Variants in NRG1 observed in about 807,000 individuals in gnomAD.
NRG1 encodes neuregulin 1.
NRG1 carries 18 observed loss-of-function variants against 63.8 expected under a neutral mutation model. The ratio of observed to expected loss-of-function variants is 0.28; its 90% CI spans 0.19 to 0.42. NRG1 has a LOEUF of 0.42. Ranked by LOEUF, NRG1 falls within the 10% of genes least tolerant of loss-of-function variation. The pLI, the probability that NRG1 is intolerant of heterozygous loss-of-function variation, is 1.00. For missense variants in NRG1, 762 were observed against 814.7 expected (o/e 0.94, Z 0.79); for synonymous variants, 302 against 301.3 (o/e 1.00, Z -0.02).
At chr8:31,662,562 G>A (rs1208929080) in intron 1 of NRG1, among the ~76,000 whole-genome samples, 2 of 152,188 alleles carry the variant, frequency 1.3e-5, no homozygotes, top group Non-Finnish European at 2.9e-5. Context: ...GTCTGCAAAT[G>A]TCTGAGTATC....
intron 1 of NRG1, among the ~76,000 whole-genome samples, chr8:31,677,234 CT>C (rs1807801820): frequency 6.6e-6 from 1 of 151,988 alleles, no homozygotes; most frequent in South Asian, 2.1e-4. Flanking sequence ...TATTTAAAGC[CT>C]TTGTTTAAGA....
intron 8 of NRG1, 31 bp from the exon 9 acceptor site, chr8:32,756,372 A>C (rs1318468353): frequency 6.2e-7 from 1 of 1,600,036 alleles, no homozygotes; most frequent in South Asian, 1.1e-5. Flanking sequence ...AATAATCAAA[A>C]AAAAATAAAT....
intron 1 of NRG1, among the ~76,000 whole-genome samples, chr8:31,878,263 C>T (rs919700319): frequency 1.3e-5 from 2 of 152,048 alleles, no homozygotes; most frequent in African/African-American, 4.8e-5. Flanking sequence ...GAATTAATAA[C>T]CTTACATCTT....
At position 31,919,866 on chromosome 8, in the gene NRG1, C is replaced by T. The variant is rs866624441; in HGVS notation, c.37+280435C>T. Reference sequence around the variant, plus strand: ...ATATCTTATAATTTGTACTAAGTGTCATGGGGTAGAAGAGAAAAAAACATT... The same window carrying T: ...ATATCTTATAATTTGTACTAAGTGTTATGGGGTAGAAGAGAAAAAAACATT... On this transcript the variant is annotated intron_variant, in intron 1 of 10. Transcript: ENST00000519301. 2.6e-5 allele frequency among the ~76,000 whole-genome samples: 4 copies of T among 152,098 alleles called. No individual in the cohort carries two copies. The South Asian group carries it at 8.3e-4, about 32-fold the overall frequency.
chr8:31,904,374 T>C (rs151150331), intron 1 of NRG1, among the ~76,000 whole-genome samples: 11 of 152,260 alleles, frequency 7.2e-5, no homozygotes, highest in East Asian at 1.9e-4. Flanking sequence ...ATGACTGTTA[T>C]TAAAAAGTCA....
At chr8:31,948,595 G>C (rs1229907221) in intron 1 of NRG1, among the ~76,000 whole-genome samples, 1 of 152,270 alleles carries the variant, frequency 6.6e-6, no homozygotes, top group African/African-American at 2.4e-5. Context: ...GCCATAGAGA[G>C]CTAATTTCCC....
rs116476580 is a variant in NRG1, at chr8:31,838,085, C to T, written c.37+198654C>T. ...ATGGTAGTACTGATTTACATTCCCA[C>T]GAGCAGTGTATAGGAGTTCCCTTTC... is the stretch of plus-strand genomic sequence containing the variant. On this transcript the variant is annotated intron_variant, in intron 1 of 10. Coordinates refer to the NRG1 transcript ENST00000519301. Among the ~76,000 whole-genome samples the T allele has an allele frequency of 8.9e-3, 1,347 of 152,162 alleles. 32 individuals are homozygous for T. The highest frequency in any genetic ancestry group is 0.031 in the African/African-American group (1,299 of 41,522).
At chr8:32,490,414 C>A (rs1384547523) in intron 1 of NRG1, among the ~76,000 whole-genome samples, 1 of 152,062 alleles carries the variant, frequency 6.6e-6, no homozygotes, top group Admixed American at 6.5e-5. Context: ...ATGTGCCCTC[C>A]AGTTTTAGAA....
intron 1 of NRG1, among the ~76,000 whole-genome samples, chr8:32,196,301 G>C (rs547976927): frequency 2.6e-5 from 4 of 152,114 alleles, no homozygotes; most frequent in Non-Finnish European, 5.9e-5. Flanking sequence ...GAGCAATTAC[G>C]GAAGAAGGGT....
chr8:32,420,164 G>A lies in NRG1; in HGVS notation c.38-175664G>A, dbSNP rs370989178. 2.0e-4 allele frequency among the ~76,000 whole-genome samples: 31 copies of A among 152,136 alleles called. 1 individual carries two copies. The highest frequency in any genetic ancestry group is 9.6e-4 in the East Asian group (5 of 5,184). ...AGCGTATGACAAGGACTTTCAGTGT[G>A]ACCATCAGCTGGAAGAAGCCAAGTG... is the stretch of plus-strand genomic sequence containing the variant. On this transcript the variant is annotated intron_variant, in intron 1 of 10. Coordinates refer to the NRG1 transcript ENST00000519301.
chr8:31,748,122 T>C (rs182008782), intron 1 of NRG1, among the ~76,000 whole-genome samples: 1 of 152,120 alleles, frequency 6.6e-6, no homozygotes, highest in Admixed American at 6.6e-5. Flanking sequence ...AATTAAATGA[T>C]TTCCTACTAT....
intron 1 of NRG1, among the ~76,000 whole-genome samples, chr8:31,987,582 G>A (rs1331286746): frequency 6.6e-6 from 1 of 151,802 alleles, no homozygotes; most frequent in African/African-American, 2.4e-5. Context: ...AGACACTGAG[G>A]CCTACCTGAG....
intron 3 of NRG1, 32 bp from the exon 4 acceptor site, chr8:32,614,482 T>TATA (rs1846957029): frequency 6.2e-7 from 1 of 1,608,880 alleles, no homozygotes; most frequent in South Asian, 1.1e-5. Flanking sequence ...CCTGTTTATA[T>TATA]ATCATAATGT....
intron 1 of NRG1, among the ~76,000 whole-genome samples, chr8:32,558,801 G>A (rs1835714013): frequency 6.6e-6 from 1 of 152,028 alleles, no homozygotes; most frequent in Non-Finnish European, 1.5e-5. Context: ...TACAGCTGTG[G>A]CCAGGCACGT....
chr8:32,519,683 G>A lies in NRG1; in HGVS notation c.38-76145G>A, dbSNP rs368766131. 6.6e-5 allele frequency among the ~76,000 whole-genome samples: 10 copies of A among 152,160 alleles called. No homozygotes were observed. The South Asian group carries it at 1.7e-3, about 25-fold the overall frequency. ...GCTCTGGTGCTATGAAGGTCACCCAGCGTACTCTTTTAGATAATACAGGAG... is the reference window on the plus strand; with the variant it reads ...GCTCTGGTGCTATGAAGGTCACCCAACGTACTCTTTTAGATAATACAGGAG... On this transcript the variant is annotated intron_variant, in intron 1 of 10. Transcript: ENST00000519301.
intron 3 of NRG1, among the ~76,000 whole-genome samples, chr8:32,610,028 C>T (rs1216275511): frequency 6.6e-6 from 1 of 151,886 alleles, no homozygotes; most frequent in Non-Finnish European, 1.5e-5. Flanking sequence ...AAAATAAGAA[C>T]ATGCTGTCAA....
chr8:31,974,904 G>T (rs1807905589), intron 1 of NRG1, among the ~76,000 whole-genome samples: 1 of 152,132 alleles, frequency 6.6e-6, no homozygotes, highest in South Asian at 2.1e-4. Context: ...ACATCCAACT[G>T]CAGGGAACAC....
rs75848902 is a variant in NRG1 at position 32,570,688 on chromosome 8, C to T, written c.100+21862C>T. 8.7e-3 allele frequency among the ~76,000 whole-genome samples: 1,321 copies of T among 152,156 alleles called. 17 individuals are homozygous for T. Among genetic ancestry groups the T allele is most frequent in the African/African-American group, 0.029 (1,212 of 41,500 alleles). On this transcript the variant is annotated intron_variant, in intron 1 of 11. Coordinates refer to ENST00000356819, the Ensembl canonical transcript of NRG1. ...GTGTATTTCCCAGCTTCAGAAAGTC[C>T]TAATTTCTGAAAGTCCTTGTTATCA... is the stretch of plus-strand genomic sequence containing the variant.
At chr8:32,118,759 G>A (rs898574110) in intron 1 of NRG1, among the ~76,000 whole-genome samples, 1 of 152,022 alleles carries the variant, frequency 6.6e-6, no homozygotes, top group African/African-American at 2.4e-5. Context: ...GCAACTTAGG[G>A]CAGCAATCTT....
Sources: gnomAD v4.1 joint callset for allele counts (sites outside exome capture counted in the v4.1 genomes callset) on GRCh38, gnomAD v4.1.1 for gene constraint, MANE v1.5 for transcripts, NCBI Gene and HGNC (gene_info 2026-07-23, HGNC 2026-07-21) for gene names.